RNU6-1: variants seen among roughly 807,000 people sequenced by gnomAD.
RNU6-1 encodes the protein RNA, U6 small nuclear 1.
exon 1 of RNU6-1, chr15:67,839,994 A>C (rs1264426517): frequency 6.6e-6 from 1 of 152,420 alleles, no homozygotes; most frequent in Admixed American, 6.5e-5. Flanking sequence ...GGGCCATGCT[A>C]ATCTTCTCTG....
At chr15:67,839,952 G>A (rs1218151434) in exon 1 of RNU6-1, 2 of 150,330 alleles carry the variant, frequency 1.3e-5, no homozygotes, top group South Asian at 2.1e-4. Flanking sequence ...AATATGGAAC[G>A]CTTCACGAAT....
exon 1 of RNU6-1, chr15:67,840,007 T>A (rs1385316762): frequency 6.6e-6 from 1 of 152,610 alleles, no homozygotes; most frequent in East Asian, 1.9e-4. Flanking sequence ...CTTCTCTGTA[T>A]CGTTCCAATT....
At chr15:67,840,025 A>G (rs1338608323) in exon 1 of RNU6-1, 2 of 152,686 alleles carry the variant, frequency 1.3e-5, no homozygotes, top group Non-Finnish European at 2.9e-5. Flanking sequence ...ATTTTAGTAT[A>G]TGTGCTGCCG....
exon 1 of RNU6-1, chr15:67,839,956 C>T (rs894506609): frequency 1.6e-4 from 25 of 152,272 alleles, no homozygotes; most frequent in Admixed American, 1.6e-3. Context: ...TGGAACGCTT[C>T]ACGAATTTGC....
exon 1 of RNU6-1, chr15:67,839,992 C>G (rs1027684558): frequency 6.6e-6 from 1 of 152,366 alleles, no homozygotes; most frequent in Admixed American, 6.5e-5. Flanking sequence ...AGGGGCCATG[C>G]TAATCTTCTC....
At chr15:67,840,026 T>C (rs556463300) in exon 1 of RNU6-1, 10 of 152,708 alleles carry the variant, frequency 6.5e-5, no homozygotes, top group East Asian at 1.9e-4. Context: ...TTTTAGTATA[T>C]GTGCTGCCGA....
chr15:67,839,984 G>T (rs1264245858), exon 1 of RNU6-1: 1 of 152,266 alleles, frequency 6.6e-6, no homozygotes, highest in Non-Finnish European at 1.5e-5. Flanking sequence ...CCTTGCGCAG[G>T]GGCCATGCTA....
exon 1 of RNU6-1, chr15:67,840,034 C>T (rs1052682215): frequency 1.3e-5 from 2 of 152,528 alleles, no homozygotes; most frequent in African/African-American, 4.8e-5. Flanking sequence ...TATGTGCTGC[C>T]GAAGCGAGCA....
exon 1 of RNU6-1, chr15:67,839,949 A>AAC (rs2091061778): frequency 6.6e-6 from 1 of 152,054 alleles, no homozygotes; most frequent in Non-Finnish European, 1.5e-5. Flanking sequence ...AAAAATATGG[A>AAC]ACGCTTCACG....
chr15:67,840,035 G>C (rs537599185), exon 1 of RNU6-1: 1 of 152,542 alleles, frequency 6.6e-6, no homozygotes, highest in Non-Finnish European at 1.5e-5. Flanking sequence ...ATGTGCTGCC[G>C]AAGCGAGCAC....
chr15:67,839,981 C>A (rs999055874), exon 1 of RNU6-1: 10 of 152,090 alleles, frequency 6.6e-5, no homozygotes, highest in African/African-American at 2.4e-4. Context: ...CATCCTTGCG[C>A]AGGGGCCATG....
exon 1 of RNU6-1, chr15:67,839,976 T>C (rs529454110): frequency 1.3e-5 from 2 of 152,252 alleles, no homozygotes; most frequent in East Asian, 1.9e-4. Flanking sequence ...CGTGTCATCC[T>C]TGCGCAGGGG....
exon 1 of RNU6-1, chr15:67,839,943 A>ACAGAAAAACAACC (rs2091061573): frequency 2.0e-5 from 3 of 152,366 alleles, no homozygotes; most frequent in African/African-American, 7.2e-5. Context: ...TGATGTAAAA[A>ACAGAAAAACAACC]TATGGAACGC....
At chr15:67,839,961 A>AT (rs1228365167) in exon 1 of RNU6-1, 1 of 151,074 alleles carries the variant, frequency 6.6e-6, no homozygotes, top group Non-Finnish European at 1.5e-5. Flanking sequence ...CGCTTCACGA[A>AT]TTTGCGTGTC....
chr15:67,839,978 G>T (rs1309946812), exon 1 of RNU6-1: 1 of 151,972 alleles, frequency 6.6e-6, no homozygotes, highest in Non-Finnish European at 1.5e-5. Context: ...TGTCATCCTT[G>T]CGCAGGGGCC....
chr15:67,839,983 G>A (rs1014841655), exon 1 of RNU6-1: 2 of 152,344 alleles, frequency 1.3e-5, no homozygotes, highest in African/African-American at 4.8e-5. Context: ...TCCTTGCGCA[G>A]GGGCCATGCT....
At chr15:67,839,946 T>G (rs148834428) in exon 1 of RNU6-1, 3 of 150,534 alleles carry the variant, frequency 2.0e-5, no homozygotes, top group African/African-American at 7.3e-5. Flanking sequence ...TGTAAAAATA[T>G]GGAACGCTTC....
At chr15:67,839,992 C>CA (rs1180908771) in exon 1 of RNU6-1, 1 of 152,366 alleles carries the variant, frequency 6.6e-6, no homozygotes, top group African/African-American at 2.4e-5. Context: ...AGGGGCCATG[C>CA]TAATCTTCTC....
chr15:67,840,012 C>CG (rs376116806), exon 1 of RNU6-1: 4 of 152,496 alleles, frequency 2.6e-5, no homozygotes, highest in East Asian at 1.9e-4. Context: ...CTGTATCGTT[C>CG]CAATTTTAGT....
Sources: gnomAD v4.1 joint callset for allele counts on GRCh38, gnomAD v4.1.1 for gene constraint, MANE v1.5 for transcripts, NCBI Gene and HGNC (gene_info 2026-07-23, HGNC 2026-07-21) for gene names.